KIZ: variants seen among roughly 807,000 people sequenced by gnomAD.
The protein encoded by KIZ is kizuna centrosomal protein, also known as centrosomal protein kizuna.
KIZ carries 68 observed loss-of-function variants against 79.6 expected under a neutral mutation model. That is an observed-to-expected ratio of 0.85 (90% confidence interval 0.70 to 1.05). The LOEUF (loss-of-function observed/expected upper bound fraction) is 1.05. Among genes scored for constraint, KIZ ranks in the 50% least tolerant of loss-of-function variants. The pLI is 0.00. For missense variants in KIZ, 797 were observed against 800.4 expected (o/e 1.00, Z 0.05); for synonymous variants, 280 against 281.8 (o/e 0.99, Z 0.06).
intron 6 of KIZ, among the ~76,000 whole-genome samples, chr20:21,190,286 T>C (rs1042626058): frequency 1.3e-5 from 2 of 152,260 alleles, no homozygotes; most frequent in African/African-American, 4.8e-5. Flanking sequence ...TGGGCATTGC[T>C]CCTGGGTGAA....
intron 10 of KIZ, among the ~76,000 whole-genome samples, chr20:21,231,729 A>ACCCTTAGGG (rs2036839821): frequency 6.6e-6 from 1 of 152,146 alleles, no homozygotes; most frequent in African/African-American, 2.4e-5. Context: ...GGGCAGCTTC[A>ACCCTTAGGG]CAGTGTTGTT....
At chr20:21,151,543 A>G (rs2122567082) in intron 4 of KIZ, 1 of 152,354 alleles carries the variant, frequency 6.6e-6, no homozygotes, top group African/African-American at 2.4e-5. Flanking sequence ...CAAGAAAAAG[A>G]TAAATTTTTG....
intron 4 of KIZ, among the ~76,000 whole-genome samples, chr20:21,154,883 C>T (rs2122601565): frequency 6.6e-6 from 1 of 152,318 alleles, no homozygotes; most frequent in Non-Finnish European, 1.5e-5. Flanking sequence ...GTCTTAGAGC[C>T]TGATCTCAGC....
chr20:21,215,483 C>CAAA, intron 8 of KIZ, 100 bp from the exon 9 acceptor site: 56 of 475,682 alleles, frequency 1.2e-4, no homozygotes, highest in Non-Finnish European at 1.3e-4. Context: ...ATACATTAAC[C>CAAA]AAAAAAAAAA....
chr20:21,232,556 G>A (rs1419337645), intron 10 of KIZ, among the ~76,000 whole-genome samples, 178 bp from the exon 11 acceptor site: 1 of 152,090 alleles, frequency 6.6e-6, no homozygotes, highest in African/African-American at 2.4e-5. Flanking sequence ...ACTCCCTTTC[G>A]GTATTCTACC....
intron 6 of KIZ, among the ~76,000 whole-genome samples, chr20:21,200,352 AG>A (rs747505343): frequency 1.3e-5 from 2 of 152,130 alleles, no homozygotes; most frequent in Non-Finnish European, 2.9e-5. Context: ...AGGTGTGGGC[AG>A]GGGCATGGTT....
At chr20:21,188,295 C>T (rs1220821716) in intron 6 of KIZ, among the ~76,000 whole-genome samples, 2 of 152,186 alleles carry the variant, frequency 1.3e-5, no homozygotes, top group African/African-American at 4.8e-5. Flanking sequence ...GAAGAATGAA[C>T]AGACAGGCCT....
intron 11 of KIZ, among the ~76,000 whole-genome samples, chr20:21,233,512 T>C (rs1247998270): frequency 6.6e-6 from 1 of 152,246 alleles, no homozygotes; most frequent in Admixed American, 6.5e-5. Context: ...AATACCCTAC[T>C]CTTTTGCTTT....
At chr20:21,222,261 A>G (rs1356794823) in intron 9 of KIZ, among the ~76,000 whole-genome samples, 5 of 152,224 alleles carry the variant, frequency 3.3e-5, no homozygotes, top group African/African-American at 1.2e-4. Flanking sequence ...AAATGCCAAG[A>G]GAAATTCTCC....
intron 7 of KIZ, among the ~76,000 whole-genome samples, chr20:21,211,953 G>A (rs941772285): frequency 6.6e-6 from 1 of 152,164 alleles, no homozygotes; most frequent in African/African-American, 2.4e-5. Flanking sequence ...GCCTGGTTTG[G>A]TGACACACGC....
chr20:21,166,108 A>G (rs2033919745), intron 6 of KIZ: 1 of 692,992 alleles, frequency 1.4e-6, no homozygotes. Flanking sequence ...CTGGGATTAC[A>G]GGCATGTGCC....
chr20:21,193,331 G>A (rs1456065877), intron 6 of KIZ, among the ~76,000 whole-genome samples: 1 of 152,180 alleles, frequency 6.6e-6, no homozygotes, highest in Non-Finnish European at 1.5e-5. Flanking sequence ...ATCTGATAGG[G>A]TTAAGGAAAA....
intron 11 of KIZ, among the ~76,000 whole-genome samples, chr20:21,242,646 G>C (rs570570539): frequency 1.3e-5 from 2 of 152,088 alleles, no homozygotes; most frequent in Admixed American, 6.5e-5. Flanking sequence ...GGCTTGGGGA[G>C]ACTAGTGGGT....
intron 12 of KIZ, 198 bp downstream of exon 12, chr20:21,244,486 C>CA: frequency 1.7e-6 from 1 of 589,852 alleles, no homozygotes; most frequent in Non-Finnish European, 3.0e-6. Flanking sequence ...ACACGGGTGC[C>CA]ATGGACCACA....
In KIZ at chr20:21,223,365, A is replaced by G. The variant is rs183917776; in HGVS notation, c.1679-5646A>G. ...CCCATAGAAGTTAAGACTATGATAT[A>G]AATTTCTATTTTCTGAAGCAGCCCC... is the stretch of plus-strand genomic sequence containing the variant. On this transcript the variant is annotated intron_variant, in intron 9 of 12. Coordinates refer to ENST00000619189, the MANE Select transcript of KIZ (RefSeq NM_018474.6). Among the ~76,000 whole-genome samples the G allele has an allele frequency of 2.2e-3, 331 of 152,284 alleles. 1 individual carries two copies. The highest frequency in any genetic ancestry group is 7.7e-3 in the African/African-American group (318 of 41,556).
At chr20:21,229,139 T>C (rs755525880) in intron 10 of KIZ, 24 bp downstream of exon 10, 1 of 1,380,700 alleles carries the variant, frequency 7.2e-7, no homozygotes, top group South Asian at 1.2e-5. Flanking sequence ...GATGGCAGTG[T>C]CCAGGGGCCC....
intron 1 of KIZ, among the ~76,000 whole-genome samples, chr20:21,130,279 C>CT (rs1340732615): frequency 6.6e-6 from 1 of 152,192 alleles, no homozygotes; most frequent in Non-Finnish European, 1.5e-5. Flanking sequence ...CAAGCTGAGT[C>CT]TATCTGATGG....
intron 3 of KIZ, among the ~76,000 whole-genome samples, chr20:21,140,867 A>G (rs2032478707): frequency 6.6e-6 from 1 of 152,026 alleles, no homozygotes; most frequent in South Asian, 2.1e-4. Flanking sequence ...AGCCAGCTGT[A>G]GGAGTGTGCA....
chr20:21,236,407 T>A (rs2037008208), intron 11 of KIZ, among the ~76,000 whole-genome samples: 1 of 152,250 alleles, frequency 6.6e-6, no homozygotes, highest in Admixed American at 6.5e-5. Context: ...CCTTTAGAAA[T>A]TGTAATACTG....
Sources: allele counts gnomAD v4.1 joint callset (sites outside exome capture counted in the v4.1 genomes callset), GRCh38; gene constraint gnomAD v4.1.1; transcripts MANE v1.5; gene names NCBI Gene and HGNC (gene_info 2026-07-23, HGNC 2026-07-21).